PHKB: variants seen among roughly 807,000 people sequenced by gnomAD.
The protein encoded by PHKB is phosphorylase kinase regulatory subunit beta, also known as phosphorylase b kinase regulatory subunit beta.
In PHKB, 122 loss-of-function variants were observed where a neutral mutation model predicts 152.1. The observed-to-expected ratio is 0.80, with a 90% CI of 0.69 to 0.93. The LOEUF (loss-of-function observed/expected upper bound fraction) is 0.93. PHKB is among the 40% of genes least tolerant of loss of function. The pLI is 0.00. For missense variants in PHKB, 1,304 were observed against 1,328.4 expected (o/e 0.98, Z 0.29); for synonymous variants, 436 against 464.9 (o/e 0.94, Z 0.80).
chr16:47,547,373 A>T, intron 6 of PHKB, 60 bp from the exon 7 acceptor site: 1 of 1,035,934 alleles, frequency 9.7e-7, no homozygotes, highest in Admixed American at 1.7e-5. Context: ...ATGAGCCACC[A>T]CACCCGGCCT....
intron 1 of PHKB, among the ~76,000 whole-genome samples, chr16:47,471,275 T>C (rs773054164): frequency 7.9e-5 from 12 of 152,084 alleles, no homozygotes; most frequent in Non-Finnish European, 1.6e-4. Flanking sequence ...GGGTAAAGCA[T>C]TGTGAATGAC....
intron 26 of PHKB, among the ~76,000 whole-genome samples, chr16:47,671,396 C>G (rs1005084550): frequency 6.6e-6 from 1 of 152,074 alleles, no homozygotes; most frequent in African/African-American, 2.4e-5. Flanking sequence ...GTAGTATTAA[C>G]TATATACATA....
At chr16:47,656,939 A>G (rs1973348811) in intron 20 of PHKB, among the ~76,000 whole-genome samples, 1 of 152,002 alleles carries the variant, frequency 6.6e-6, no homozygotes, top group African/African-American at 2.4e-5. Context: ...ATGTAATTGG[A>G]GATTTTTCCC....
At chr16:47,479,123 G>T (rs1969920731) in intron 1 of PHKB, among the ~76,000 whole-genome samples, 1 of 152,122 alleles carries the variant, frequency 6.6e-6, no homozygotes, top group Admixed American at 6.6e-5. Flanking sequence ...GACTGTCGGG[G>T]GAGTTAGGGG....
intron 30 of PHKB, 62 bp downstream of exon 30, chr16:47,698,650 T>C (rs1281496142): frequency 7.7e-7 from 1 of 1,300,580 alleles, no homozygotes; most frequent in Admixed American, 2.5e-5. Flanking sequence ...CTCAATTCTT[T>C]AAAATATCCC....
At chr16:47,689,605 C>G (rs768681338) in intron 27 of PHKB, among the ~76,000 whole-genome samples, 2 of 152,208 alleles carry the variant, frequency 1.3e-5, no homozygotes, top group Non-Finnish European at 2.9e-5. Flanking sequence ...ATGCTAAACC[C>G]TTTCCTAGAC....
At chr16:47,471,990 G>A (rs1969777208) in intron 1 of PHKB, among the ~76,000 whole-genome samples, 1 of 152,078 alleles carries the variant, frequency 6.6e-6, no homozygotes, top group Non-Finnish European at 1.5e-5. Flanking sequence ...CGGGAGGCGG[G>A]TCTTGCATTG....
intron 6 of PHKB, among the ~76,000 whole-genome samples, chr16:47,530,215 A>G (rs1368357011): frequency 6.7e-6 from 1 of 149,066 alleles, no homozygotes; most frequent in Non-Finnish European, 1.5e-5. Context: ...GGCTTACTGC[A>G]ACCTCTGCCT....
At chr16:47,617,046 C>T (rs1972531785) in intron 14 of PHKB, among the ~76,000 whole-genome samples, 1 of 151,886 alleles carries the variant, frequency 6.6e-6, no homozygotes, top group African/African-American at 2.4e-5. Context: ...AACCAACAAC[C>T]TTCCAGTGTG....
intron 25 of PHKB, chr16:47,666,048 T>G: frequency 6.4e-7 from 1 of 1,570,538 alleles, no homozygotes; most frequent in Non-Finnish European, 8.8e-7. Flanking sequence ...TATTTGCTTT[T>G]CAGACACTTA....
At chr16:47,486,564 A>T (rs961137947) in intron 1 of PHKB, among the ~76,000 whole-genome samples, 1 of 152,240 alleles carries the variant, frequency 6.6e-6, no homozygotes, top group East Asian at 1.9e-4. Context: ...TAAGCCAAAG[A>T]TGTAGTTTGC....
intron 2 of PHKB, 97 bp downstream of exon 2, chr16:47,497,585 C>G (rs1970254405): frequency 1.3e-6 from 1 of 771,550 alleles, no homozygotes; most frequent in Non-Finnish European, 2.3e-6. Flanking sequence ...TGATATTGTT[C>G]TGTCATTGGG....
At chr16:47,582,160 C>T in intron 8 of PHKB, among the ~76,000 whole-genome samples, 1 of 152,168 alleles carries the variant, frequency 6.6e-6, no homozygotes, top group East Asian at 1.9e-4. Context: ...CTGTGACATA[C>T]CAAATACTGA....
intron 26 of PHKB, among the ~76,000 whole-genome samples, chr16:47,688,126 T>C (rs558083342): frequency 5.9e-5 from 9 of 152,196 alleles, no homozygotes; most frequent in Admixed American, 1.3e-4. Context: ...CATGGGTGAA[T>C]AAAGATGCAT....
intron 14 of PHKB, among the ~76,000 whole-genome samples, chr16:47,632,178 A>G (rs1433605102): frequency 6.6e-6 from 1 of 152,202 alleles, no homozygotes; most frequent in Non-Finnish European, 1.5e-5. Context: ...CACATAATCC[A>G]GTGGTAGCAA....
chr16:47,504,056 T>G (rs1045031447), intron 4 of PHKB, among the ~76,000 whole-genome samples: 1 of 152,144 alleles, frequency 6.6e-6, no homozygotes, highest in Non-Finnish European at 1.5e-5. Context: ...GATGCTTCAT[T>G]AGGAGGACTC....
chr16:47,640,727 G>A (rs1973003388), intron 14 of PHKB, among the ~76,000 whole-genome samples: 2 of 151,988 alleles, frequency 1.3e-5, no homozygotes, highest in Non-Finnish European at 2.9e-5. Flanking sequence ...TTAAATGATG[G>A]AAAATGACTC....
intron 4 of PHKB, among the ~76,000 whole-genome samples, chr16:47,510,227 G>A (rs913280571): frequency 2.6e-5 from 4 of 152,120 alleles, no homozygotes; most frequent in African/African-American, 9.7e-5. Flanking sequence ...TATAGCAACC[G>A]TGTTATGTAG....
rs753212201 is a variant in PHKB at position 47,499,807 on chromosome 16, C to G, written c.218C>G (p.Thr73Ser). 1 of 1,614,208 alleles carries G rather than the reference C, an allele frequency of 6.2e-7. No homozygotes were observed. The highest frequency in any genetic ancestry group is 1.1e-5 in the South Asian group (1 of 91,086). The stretch of plus-strand genomic sequence containing the variant: ...AGTCCAACTACCGGTCTCTTTCCCA[C>G]TAAAACATGCGGTGGTGACCAGAAG... ...YQSPTTGLFP[T>S]KTCGGDQKAK... Residue 73 changes from threonine to serine, a missense_variant, in exon 3 of 31, where the codon ACT becomes AGT. Thr to Ser is a moderately conservative substitution (Grantham distance 58). Transcript: ENST00000323584.
Sources: allele counts gnomAD v4.1 joint callset (sites outside exome capture counted in the v4.1 genomes callset), GRCh38; gene constraint gnomAD v4.1.1; transcripts MANE v1.5; gene names NCBI Gene and HGNC (gene_info 2026-07-23, HGNC 2026-07-21).